ID2: variants seen among roughly 807,000 people sequenced by gnomAD.
The protein encoded by ID2 is DNA-binding protein inhibitor ID-2.
ID2 carries 2 observed loss-of-function variants against 8.3 expected under a neutral mutation model. The ratio of observed to expected loss-of-function variants is 0.24; its 90% confidence interval spans 0.10 to 0.76. The LOEUF (loss-of-function observed/expected upper bound fraction) is 0.76. Among genes scored for constraint, ID2 ranks in the 30% least tolerant of loss-of-function variants. The probability of loss-of-function intolerance (pLI) is 0.73; values close to 1 mark genes in which losing one functional copy is unlikely to be tolerated. For missense variants in ID2, 155 were observed against 167.0 expected, an observed-to-expected ratio of 0.93 and a Z score of 0.40; for synonymous variants, 112 against 72.3, an observed-to-expected ratio of 1.55 and a Z score of -2.79.
In ID2 at chr2:8,682,322, A is replaced by C. The variant is rs1359034528; in HGVS notation, c.157A>C (p.Ile53Leu). Reference sequence around the variant, plus strand: ...CAAGCTCAAGGAGCTGGTGCCCAGCATCCCCCAGAACAAGAAGGTGAGCAA... The same window carrying C: ...CAAGCTCAAGGAGCTGGTGCCCAGCCTCCCCCAGAACAAGAAGGTGAGCAA... ...YSKLKELVPS[I>L]PQNKKVSKME... Residue 53 changes from isoleucine to leucine, a missense_variant, in exon 1 of 3, where the codon ATC becomes CTC. Physicochemically the swap from Ile to Leu is conservative, Grantham distance 5. Transcript: ENST00000396290. 1 of 1,614,142 alleles carries C rather than the reference A, an allele frequency of 6.2e-7. No homozygotes were observed.
chr2:8,682,535 C>T lies in ID2; in HGVS notation c.348+22C>T, dbSNP rs756254644. On this transcript the variant is annotated intron_variant, in intron 1 of 2. Transcript: ENST00000396290. ...GCAGGTAAGACCTGCTCCGGGGTCC[C>T]CGCCCCGCCGCCGCACACTCCCGCG... is the stretch of plus-strand genomic sequence containing the variant. 7.7e-6 allele frequency: 12 copies of T among 1,558,598 alleles called. No individual in the cohort carries two copies. The Admixed American group carries it at 2.0e-4, about 26-fold the overall frequency.
At position 8,682,246 on chromosome 2, in the gene ID2, C is replaced by T. The variant is rs369813445; in HGVS notation, c.81C>T (p.Thr27=). The part of the protein sequence containing the change: ...DHSLGISRSK[T]PVDDPMSLLY... ...GCCTGGGCATCTCCCGGAGCAAAAC[C>T]CCTGTGGACGACCCGATGAGCCTGC... Residue 27 remains threonine (T), a synonymous_variant, in exon 1 of 3, where the codon ACC becomes ACT. Transcript: ENST00000396290. The T allele has an allele frequency of 2.9e-5, 46 of 1,614,018 alleles. No homozygotes were observed. The African/African-American group carries it at 3.2e-4, about 11-fold the overall frequency.
Position 8,682,796 on chromosome 2 carries a change from ACTT to A in ID2, c.349-46_349-44del, listed in dbSNP as rs557000216. On this transcript the variant is annotated intron_variant, in intron 1 of 2. Transcript: ENST00000396290. ...AAAAAAAAAAAAAAAAACCCTTTCT[ACTT>A]AACATTGTCTTAACCTCGTACTCTT... is the stretch of plus-strand genomic sequence containing the variant. 2.8e-4 allele frequency: 374 copies of A among 1,345,980 alleles called. 2 individuals carry two copies. The African/African-American group carries it at 4.7e-3, about 17-fold the overall frequency. The allele number at this position is 1,345,980 out of a possible 1,614,324, so 83.4% of individuals were successfully genotyped here.
intron 2 of ID2, chr2:8,683,146 C>CACGTGTGTATTGCTTCGACTACTACGAA: frequency 1.8e-6 from 1 of 556,136 alleles, no homozygotes; most frequent in Non-Finnish European, 3.2e-6. Flanking sequence ...ACTACGAAGG[C>CACGTGTGTATTGCTTCGACTACTACGAA]GGCCGAGGAA....
At position 8,683,176 on chromosome 2, in the gene ID2, G is replaced by C. The variant is rs1268338005; in HGVS notation, c.*7+270G>C. 2.0e-5 allele frequency among the ~76,000 whole-genome samples: 3 copies of C among 152,204 alleles called. No homozygotes were observed. The South Asian group carries it at 6.2e-4, about 32-fold the overall frequency. ...GAGGAACGTGTGTATTGGCTTTGTA[G>C]CAAATGTAATGCCCTGGATCTTCCT... On this transcript the variant is annotated intron_variant, in intron 2 of 2. Coordinates refer to ENST00000396290, the MANE Select transcript of ID2 (RefSeq NM_002166.5).
Position 8,682,860 on chromosome 2 carries a change from T to C in ID2, c.366T>C (p.Ser122=). ...CTTTCCAGGCTTCTGAATTCCCTTC[T>C]GAGTTAATGTCAAATGACAGCAAAG... ...ILSLQASEFP[S]ELMSNDSKAL... is the part of the protein sequence containing the mutation. The change falls in exon 2 of 3, where the codon TCT becomes TCC. Residue 122 remains serine (S), a synonymous_variant. Coordinates refer to ENST00000396290, the MANE Select transcript of ID2 (RefSeq NM_002166.5). 2 of 1,613,544 alleles carry C rather than the reference T, an allele frequency of 1.2e-6. No individual in the cohort carries two copies. Among genetic ancestry groups the C allele is most frequent in the Non-Finnish European group, 1.7e-6 (2 of 1,179,568 alleles).
chr2:8,682,209 T>C lies in ID2; in HGVS notation c.44T>C (p.Leu15Pro). Residue 15 changes from leucine to proline, a missense_variant, in exon 1 of 3, where the codon CTG (leucine) becomes CCG (proline). This residue lies in a region of ID2 where 73 missense variants were observed against 72.2 expected (regional missense o/e 1.01). Transcript: ENST00000396290. ...SPVRSVRKNS[L>P]SDHSLGISRS... ...GTGAGGTCCGTTAGGAAAAACAGCC[T>C]GTCGGACCACAGCCTGGGCATCTCC... is the stretch of plus-strand genomic sequence containing the variant. The C allele has an allele frequency of 1.2e-6, 2 of 1,613,958 alleles. No individual in the cohort carries two copies. Among genetic ancestry groups the C allele is most frequent in the Non-Finnish European group, 1.7e-6 (2 of 1,180,028 alleles).
chr2:8,683,040 T>C, intron 2 of ID2, 134 bp downstream of exon 2: 2 of 732,808 alleles, frequency 2.7e-6, no homozygotes, highest in Non-Finnish European at 5.0e-6. Context: ...GTGTTACCCG[T>C]ACTACATTGT....
At chr2:8,682,770 A>C in intron 1 of ID2, 73 bp from the exon 2 acceptor site, 1 of 1,085,296 alleles carries the variant, frequency 9.2e-7, no homozygotes, top group South Asian at 1.4e-5. Context: ...TACAAAAAAA[A>C]AAAAAAAAAA....
chr2:8,682,709 A>G (rs1662115968), intron 1 of ID2, 134 bp from the exon 2 acceptor site: 1 of 777,136 alleles, frequency 1.3e-6, no homozygotes, highest in Admixed American at 2.4e-5. Context: ...CTGTCTTTAA[A>G]TCTGAATTGT....
chr2:8,682,402 G>A lies in ID2; in HGVS notation c.237G>A (p.Leu79=). The part of the protein sequence containing the change: ...IDYILDLQIA[L]DSHPTIVSLH... ...ACATCTTGGACCTGCAGATCGCCCT[G>A]GACTCGCATCCCACTATTGTCAGCC... The change falls in exon 1 of 3, where the codon CTG becomes CTA. Residue 79 remains leucine, a synonymous_variant. Transcript: ENST00000396290. The A allele has an allele frequency of 1.9e-6, 3 of 1,613,880 alleles. No individual in the cohort carries two copies. The highest frequency in any genetic ancestry group is 2.5e-6 in the Non-Finnish European group (3 of 1,180,032).
Position 8,682,432 on chromosome 2 carries a change from T to C in ID2, c.267T>C (p.His89=), listed in dbSNP as rs1454381871. 6.2e-7 allele frequency: 1 copy of C among 1,613,742 alleles called. No individual in the cohort carries two copies. Among genetic ancestry groups the C allele is most frequent in the Admixed American group, 1.7e-5 (1 of 60,028 alleles). ...CGCATCCCACTATTGTCAGCCTGCA[T>C]CACCAGAGACCCGGGCAGAACCAGG... is the stretch of plus-strand genomic sequence containing the variant. ...LDSHPTIVSL[H]HQRPGQNQAS... Residue 89 remains histidine, a synonymous_variant, in exon 1 of 3, where the codon CAT becomes CAC. Transcript: ENST00000396290.
At position 8,682,405 on chromosome 2, in the gene ID2, C is replaced by T. The variant is rs760158586; in HGVS notation, c.240C>T (p.Asp80=). The change falls in exon 1 of 3, where the codon GAC becomes GAT. Residue 80 remains aspartate (D), a synonymous_variant. Coordinates refer to ENST00000396290, the MANE Select transcript of ID2 (RefSeq NM_002166.5). Reference sequence around the variant, plus strand: ...TCTTGGACCTGCAGATCGCCCTGGACTCGCATCCCACTATTGTCAGCCTGC... The same window carrying T: ...TCTTGGACCTGCAGATCGCCCTGGATTCGCATCCCACTATTGTCAGCCTGC... ...DYILDLQIAL[D]SHPTIVSLHH... 1.1e-5 allele frequency: 18 copies of T among 1,613,810 alleles called. No homozygotes were observed. Among genetic ancestry groups the T allele is most frequent in the African/African-American group, 2.7e-5 (2 of 74,948 alleles).
chr2:8,682,590 A>G, intron 1 of ID2, 77 bp downstream of exon 1: 4 of 1,063,526 alleles, frequency 3.8e-6, no homozygotes, highest in Non-Finnish European at 5.6e-6. Flanking sequence ...GGAGATCCGT[A>G]GCCCAGACGG....
At chr2:8,682,954 T>C (rs374104552) in intron 2 of ID2, 48 bp downstream of exon 2, 48 of 1,404,594 alleles carry the variant, frequency 3.4e-5, no homozygotes, top group Non-Finnish European at 4.8e-5. Flanking sequence ...CCTCGGTGTG[T>C]GTGCGCGCGC....
chr2:8,682,259 C>T lies in ID2; in HGVS notation c.94C>T (p.Pro32Ser), dbSNP rs779166336. The part of the protein sequence containing the change: ...ISRSKTPVDD[P>S]MSLLYNMNDC... ...CCGGAGCAAAACCCCTGTGGACGAC[C>T]CGATGAGCCTGCTATACAACATGAA... Residue 32 changes from proline to serine, a missense_variant, in exon 1 of 3, where the codon CCG becomes TCG. Pro to Ser is a moderately conservative substitution (Grantham distance 74). This residue lies in a region of ID2 where 73 missense variants were observed against 72.2 expected (regional missense o/e 1.01). Coordinates refer to ENST00000396290, the MANE Select transcript of ID2 (RefSeq NM_002166.5). 7 of 1,613,994 alleles carry T rather than the reference C, an allele frequency of 4.3e-6. No individual in the cohort carries two copies. The Admixed American group carries it at 6.7e-5, about 15-fold the overall frequency.
chr2:8,683,007 G>A, intron 2 of ID2, 101 bp downstream of exon 2: 7 of 880,890 alleles, frequency 7.9e-6, no homozygotes, highest in Non-Finnish European at 1.2e-5. Flanking sequence ...TGTCTGATTT[G>A]GTAAATGCAT....
At position 8,682,636 on chromosome 2, in the gene ID2, C is replaced by T. The variant is rs920241801; in HGVS notation, c.348+123C>T. 3.2e-5 allele frequency: 24 copies of T among 759,140 alleles called. 1 individual carries two copies. The South Asian group carries it at 3.6e-4, about 12-fold the overall frequency. 47.0% of individuals were successfully genotyped at this position (759,140 alleles called of 1,614,324 possible). A position where few individuals can be genotyped will look rare whatever the true frequency, so the allele number is the denominator to read the frequency against. On this transcript the variant is annotated intron_variant, in intron 1 of 2. Transcript: ENST00000396290. ...ATGAGCTATTTAACTTTATTTTCTT[C>T]AGAATCTGCTGTAGATTGAGCTGTG... is the stretch of plus-strand genomic sequence containing the variant.
In ID2 at chr2:8,684,219, C is replaced by G. The variant is rs577296674; in HGVS notation, c.*542C>G. ...TGGCAGAGATGTCTATTTCTGCATTCAAAAGTGTAATGATGTACTTATTCA... is the reference window on the plus strand; with the variant it reads ...TGGCAGAGATGTCTATTTCTGCATTGAAAAGTGTAATGATGTACTTATTCA... On this transcript the variant is annotated 3_prime_UTR_variant, in exon 3 of 3. Coordinates refer to ENST00000396290, the MANE Select transcript of ID2 (RefSeq NM_002166.5). The G allele has an allele frequency of 5.3e-5, 8 of 152,294 alleles. No individual in the cohort carries two copies. In the East Asian group the frequency reaches 1.5e-3, roughly 29 times the overall value. 9.4% of individuals were successfully genotyped at this position (152,294 alleles called of 1,614,324 possible).
Sources: gnomAD v4.1 joint callset for allele counts (sites outside exome capture counted in the v4.1 genomes callset) on GRCh38, gnomAD v4.1.1 for gene constraint, gnomAD v4.1.1 regional missense constraint, MANE v1.5 for transcripts, NCBI Gene and HGNC (gene_info 2026-07-23, HGNC 2026-07-21) for gene names.